Variants in RBFOX3 observed in about 807,000 individuals in gnomAD.
RBFOX3 encodes the protein RNA binding fox-1 homolog 3.
In RBFOX3, 17 loss-of-function variants were observed where a neutral mutation model predicts 48.7. The observed-to-expected ratio is 0.35, with a 90% CI of 0.24 to 0.52. The LOEUF (loss-of-function observed/expected upper bound fraction) is 0.52, where lower values mean the gene tolerates loss of function less well. Among genes scored for constraint, RBFOX3 ranks in the 20% least tolerant of loss-of-function variants. RBFOX3 has a pLI of 0.94. For synonymous variants in RBFOX3, 212 were observed against 209.5 expected (o/e 1.01, Z -0.10); for missense variants, 382 against 497.5 (o/e 0.77, Z 2.21).
chr17:79,109,961 G>A (rs1315353676), intron 5 of RBFOX3, among the ~76,000 whole-genome samples: 2 of 152,142 alleles, frequency 1.3e-5, no homozygotes, highest in Non-Finnish European at 2.9e-5. Context: ...CCGGGCAGAG[G>A]CTAAGTGGGT....
At chr17:79,336,680 G>C (rs1323986974) in intron 2 of RBFOX3, among the ~76,000 whole-genome samples, 1 of 152,172 alleles carries the variant, frequency 6.6e-6, no homozygotes, top group East Asian at 1.9e-4. Context: ...GCTCAACCAA[G>C]GGCAGCTCAT....
At chr17:79,647,578 T>A in the RBFOX3 span, among the ~76,000 whole-genome samples, 1 of 152,068 alleles carries the variant, frequency 6.6e-6, no homozygotes, top group Non-Finnish European at 1.5e-5. Flanking sequence ...CAGAGTCAGC[T>A]CTCTGCCATC....
At chr17:79,612,126 T>C (rs2093974138), upstream of RBFOX3, among the ~76,000 whole-genome samples, 1 of 152,118 alleles carries the variant, frequency 6.6e-6, no homozygotes, top group Non-Finnish European at 1.5e-5. Context: ...GGCAAGAAGG[T>C]CTGGACGGTC....
At position 79,443,935 on chromosome 17, in the gene RBFOX3, G is replaced by A. The variant is rs8081622; in HGVS notation, c.-175+38519C>T. Among the ~76,000 whole-genome samples the A allele has an allele frequency of 0.15, 22,154 of 152,096 alleles. 1,934 individuals are homozygous for A. The highest frequency in any genetic ancestry group is 0.18 in the Non-Finnish European group (12,546 of 67,986). ...GACTTACTGGGCTATCCCGAGTGCC[G>A]TGACACTTCATCTCATGGTGCCTGA... On this transcript the variant is annotated intron_variant, in intron 2 of 14. Coordinates refer to ENST00000693108, the MANE Select transcript of RBFOX3 (RefSeq NM_001350451.2). This position sits in a 1 kb window ranked among gnomAD's most constrained non-coding sequence, Gnocchi z 4.4.
intron 2 of RBFOX3, among the ~76,000 whole-genome samples, chr17:79,394,006 G>A (rs1031815596): frequency 1.3e-5 from 2 of 148,714 alleles, no homozygotes; most frequent in Non-Finnish European, 1.5e-5. Flanking sequence ...GTCTGTCCCC[G>A]TGCACATCAT....
At position 79,361,295 on chromosome 17, in the gene RBFOX3, T is replaced by A. The variant is rs532012083; in HGVS notation, c.-174-53471A>T. 5.3e-5 allele frequency among the ~76,000 whole-genome samples: 8 copies of A among 152,276 alleles called. No homozygotes were observed. The highest frequency in any genetic ancestry group is 1.7e-4 in the African/African-American group (7 of 41,562). ...CCCAGGCTGCTGGTTGGCGCCTTGATCCATTTGCCATCGGGGCTATCTGAG... is the reference window on the plus strand; with the variant it reads ...CCCAGGCTGCTGGTTGGCGCCTTGAACCATTTGCCATCGGGGCTATCTGAG... On this transcript the variant is annotated intron_variant, in intron 2 of 14. Coordinates refer to ENST00000693108, the MANE Select transcript of RBFOX3 (RefSeq NM_001350451.2). The surrounding 1 kb of genome is among the most constrained non-coding windows in gnomAD (Gnocchi z 4.5).
Position 79,363,767 on chromosome 17 carries a change from C to G in RBFOX3, c.-174-55943G>C, listed in dbSNP as rs2057338514. Among the ~76,000 whole-genome samples the G allele has an allele frequency of 6.6e-6, 1 of 152,132 alleles. No individual in the cohort carries two copies. Among genetic ancestry groups the G allele is most frequent in the South Asian group, 2.1e-4 (1 of 4,818 alleles). On this transcript the variant is annotated intron_variant, in intron 2 of 14. Transcript: ENST00000693108. This position sits in a 1 kb window ranked among gnomAD's most constrained non-coding sequence, Gnocchi z 4.7. ...GCCTCCATGCTCAGCCCGTCCGCCC[C>G]CCAGCAGCCTGGGTCTGACTGAGGA...
chr17:79,586,435 A>G (rs1314944080), intron 1 of RBFOX3, among the ~76,000 whole-genome samples: 2 of 152,060 alleles, frequency 1.3e-5, no homozygotes, highest in Non-Finnish European at 2.9e-5. Context: ...GGCCCAGATG[A>G]CCCCTGGACT....
intron 3 of RBFOX3, among the ~76,000 whole-genome samples, chr17:79,278,315 AATAGCTGAGG>A (rs1276518413): frequency 3.3e-5 from 5 of 152,230 alleles, no homozygotes; most frequent in African/African-American, 1.2e-4. Context: ...CCCTCCTCAG[AATAGCTGAGG>A]ACCCTGGTTC....
Position 79,311,170 on chromosome 17 carries a change from C to T in RBFOX3, c.-174-3346G>A, listed in dbSNP as rs141158988. The stretch of plus-strand genomic sequence containing the variant: ...AGCACCAGCTGGGCGCAGTGGCTCA[C>T]GCCTATAATCCCAGCACTTTGGGAG... On this transcript the variant is annotated intron_variant, in intron 2 of 14. Coordinates refer to ENST00000693108, the MANE Select transcript of RBFOX3 (RefSeq NM_001350451.2). This position sits in a 1 kb window ranked among gnomAD's most constrained non-coding sequence, Gnocchi z 4.2. 1.5e-4 allele frequency among the ~76,000 whole-genome samples: 23 copies of T among 152,316 alleles called. No individual in the cohort carries two copies. The highest frequency in any genetic ancestry group is 5.1e-4 in the African/African-American group (21 of 41,574).
At chr17:79,185,995 G>A (rs917141701) in intron 4 of RBFOX3, among the ~76,000 whole-genome samples, 1 of 152,174 alleles carries the variant, frequency 6.6e-6, no homozygotes, top group Non-Finnish European at 1.5e-5. Flanking sequence ...TCAGATCTGG[G>A]GTGTGGCCAG....
At chr17:79,124,603 C>CA (rs1284860386) in intron 4 of RBFOX3, among the ~76,000 whole-genome samples, 1 of 152,202 alleles carries the variant, frequency 6.6e-6, no homozygotes, top group African/African-American at 2.4e-5. Flanking sequence ...AACCAGGGGC[C>CA]ATGACAGAGA....
At chr17:79,574,109 C>T (rs1326530010) in intron 1 of RBFOX3, among the ~76,000 whole-genome samples, 3 of 152,296 alleles carry the variant, frequency 2.0e-5, no homozygotes, top group African/African-American at 2.4e-5. Flanking sequence ...TTAAAAAGTC[C>T]TCACGGAGAA....
upstream of RBFOX3, among the ~76,000 whole-genome samples, chr17:79,614,001 G>A (rs1295637373): frequency 2.0e-5 from 3 of 152,126 alleles, no homozygotes; most frequent in African/African-American, 7.2e-5. Flanking sequence ...CTTTAAAAAG[G>A]CATAAACCCC....
chr17:79,320,805 A>G (rs1478569444), intron 2 of RBFOX3, among the ~76,000 whole-genome samples: 1 of 152,154 alleles, frequency 6.6e-6, no homozygotes, highest in Non-Finnish European at 1.5e-5. Flanking sequence ...CACTGTTTGC[A>G]GCAAAAACAA....
intron 2 of RBFOX3, among the ~76,000 whole-genome samples, chr17:79,358,956 G>C (rs8069502): frequency 6.6e-6 from 1 of 152,046 alleles, no homozygotes; most frequent in Non-Finnish European, 1.5e-5. Flanking sequence ...GAGGGCTCGC[G>C]CAGAGCAGAC....
Position 79,097,379 on chromosome 17 carries a change from C to G in RBFOX3, c.668G>C (p.Arg223Pro). ...GCCCCGGCCCCGAAGATGTGCGCCCCGGTAGGCAACGGCTGTGCCGGTGGT... is the reference window on the plus strand; with the variant it reads ...GCCCCGGCCCCGAAGATGTGCGCCCGGGTAGGCAACGGCTGTGCCGGTGGT... ...YPTTGTAVAY[R>P]GAHLRGRGRA... The change falls in exon 11 of 15, where the codon CGG (arginine) becomes CCG (proline). Residue 223 changes from arginine (R) to proline (P), a missense_variant. Physicochemically the swap from Arg to Pro is moderately radical, Grantham distance 103 (BLOSUM62 -2). Around this residue, in one of 3 missense-constraint regions of RBFOX3, gnomAD observed 215 missense variants for 254.8 expected, o/e 0.84. Transcript: ENST00000693108. 1 of 1,548,632 alleles carries G rather than the reference C, an allele frequency of 6.5e-7. No individual in the cohort carries two copies. The highest frequency in any genetic ancestry group is 8.7e-7 in the Non-Finnish European group (1 of 1,146,280).
chr17:79,220,777 C>G lies in RBFOX3; in HGVS notation c.-34+14989G>C, dbSNP rs1030451934. The stretch of plus-strand genomic sequence containing the variant: ...CAGAGAGGTGACACTGCCTGGAGAC[C>G]CCAGCCCCAAGTTGGAGCAGCAGGG... On this transcript the variant is annotated intron_variant, in intron 4 of 14. Coordinates refer to ENST00000693108, the MANE Select transcript of RBFOX3 (RefSeq NM_001350451.2). This position sits in a 1 kb window ranked among gnomAD's most constrained non-coding sequence, Gnocchi z 5.9. Among the ~76,000 whole-genome samples, 16 of 152,046 alleles carry G rather than the reference C, an allele frequency of 1.1e-4. No homozygotes were observed. Among genetic ancestry groups the G allele is most frequent in the African/African-American group, 3.9e-4 (16 of 41,400 alleles).
At chr17:79,150,813 C>G (rs12150540) in intron 4 of RBFOX3, among the ~76,000 whole-genome samples, 108,029 of 151,934 alleles carry the variant, frequency 0.71, 38,551 homozygotes, top group East Asian at 0.73. Flanking sequence ...GTGCCTCTGA[C>G]TGGCCATGGG....
Sources: allele counts gnomAD v4.1 joint callset (sites outside exome capture counted in the v4.1 genomes callset), GRCh38; gene constraint gnomAD v4.1.1; regional missense constraint gnomAD v4.1.1; non-coding constraint Gnocchi (gnomAD v3.1); transcripts MANE v1.5; gene names NCBI Gene and HGNC (gene_info 2026-07-23, HGNC 2026-07-21).